RTF1: variants seen among roughly 807,000 people sequenced by gnomAD.
RTF1 encodes RTF1 homolog, Paf1/RNA polymerase II complex component, also known as RNA polymerase-associated protein RTF1 homolog.
In RTF1, 10 loss-of-function variants were observed where a neutral mutation model predicts 95.7. The ratio of observed to expected loss-of-function variants is 0.10; its 90% CI spans 0.06 to 0.18. The LOEUF (loss-of-function observed/expected upper bound fraction) is 0.18, where lower values mean the gene tolerates loss of function less well. Among genes scored for constraint, RTF1 ranks in the 10% least tolerant of loss-of-function variants. The pLI is 1.00. For synonymous variants in RTF1, 305 were observed against 311.8 expected, an observed-to-expected ratio of 0.98 and a Z score of 0.23; for missense variants, 458 against 875.6, an observed-to-expected ratio of 0.52 and a Z score of 6.02.
chr15:41,426,781 ATGTGTGTGTGTGTG>A (rs58073154), intron 1 of RTF1, among the ~76,000 whole-genome samples: 86 of 78,456 alleles, frequency 1.1e-3, no homozygotes, highest in African/African-American at 3.3e-3. Flanking sequence ...CTACATATAT[ATGTGTGTGTGTGTG>A]TGTGTGTGTG....
chr15:41,469,060 C>G (rs1305549628), intron 6 of RTF1, among the ~76,000 whole-genome samples: 1 of 152,016 alleles, frequency 6.6e-6, no homozygotes, highest in East Asian at 1.9e-4. Context: ...CCTTCACCTC[C>G]CGGGTTCAAG....
Position 41,457,952 on chromosome 15 carries a change from C to G in RTF1, c.662+76C>G, listed in dbSNP as rs1340048804. 1.7e-5 allele frequency: 20 copies of G among 1,177,144 alleles called. No homozygotes were observed. The East Asian group carries it at 5.0e-4, about 29-fold the overall frequency. The allele number at this position is 1,177,144 out of a possible 1,614,324, so 72.9% of individuals were successfully genotyped here. Reference sequence around the variant, plus strand: ...ATCTCTTTTCTCATACTTCCCTGTCCTTCACACCTGACCTACACATGGAGA... The same window carrying G: ...ATCTCTTTTCTCATACTTCCCTGTCGTTCACACCTGACCTACACATGGAGA... On this transcript the variant is annotated intron_variant, in intron 4 of 17. Transcript: ENST00000389629.
chr15:41,473,189 A>G (rs759492740), intron 8 of RTF1, among the ~76,000 whole-genome samples: 30 of 151,860 alleles, frequency 2.0e-4, no homozygotes, highest in Non-Finnish European at 3.8e-4. Flanking sequence ...GCTGGAGTGC[A>G]GTGGCGCGAT....
At chr15:41,426,841 TG>T (rs2050635885) in intron 1 of RTF1, among the ~76,000 whole-genome samples, 1 of 147,718 alleles carries the variant, frequency 6.8e-6, no homozygotes, top group Non-Finnish European at 1.5e-5. Context: ...TTTGTTTGTT[TG>T]TTTGTTTGTT....
At chr15:41,449,380 G>A (rs867680276) in intron 2 of RTF1, among the ~76,000 whole-genome samples, 12 of 152,024 alleles carry the variant, frequency 7.9e-5, no homozygotes, top group East Asian at 1.9e-4. Flanking sequence ...ACAGGCGCCC[G>A]CCACCATGCC....
At chr15:41,445,142 A>T (rs1458362579) in intron 2 of RTF1, among the ~76,000 whole-genome samples, 1 of 151,744 alleles carries the variant, frequency 6.6e-6, no homozygotes. Context: ...TCTCTGTGTT[A>T]GCCAGGATGG....
At chr15:41,439,009 C>T in intron 2 of RTF1, among the ~76,000 whole-genome samples, 1 of 143,918 alleles carries the variant, frequency 6.9e-6, no homozygotes. Flanking sequence ...GTGGTACAGT[C>T]AGTAATCCTA....
At chr15:41,471,106 T>C (rs1383592841) in intron 7 of RTF1, 66 bp from the exon 8 acceptor site, 29 of 1,459,508 alleles carry the variant, frequency 2.0e-5, no homozygotes, top group Middle Eastern at 1.8e-4. Flanking sequence ...GGAGTTGATA[T>C]TATTTTTCTG....
intron 6 of RTF1, among the ~76,000 whole-genome samples, chr15:41,468,184 A>ACTCCAGGTTGGAGTGCAGTGGCGCG (rs1566847276): frequency 2.4e-4 from 37 of 152,000 alleles, no homozygotes; most frequent in African/African-American, 8.7e-4. Context: ...AAGAAAAAGA[A>ACTCCAGGTTGGAGTGCAGTGGCGCG]ATAATAACGT....
At chr15:41,452,599 TG>T (rs982677056) in intron 2 of RTF1, among the ~76,000 whole-genome samples, 15 of 151,990 alleles carry the variant, frequency 9.9e-5, no homozygotes, top group African/African-American at 3.4e-4. Context: ...CTGGGCGTGG[TG>T]GGGCACACCT....
rs1483073216 is a variant in RTF1 at position 41,454,158 on chromosome 15, G to A, written c.457+1110G>A. Among the ~76,000 whole-genome samples the A allele has an allele frequency of 5.9e-5, 9 of 152,004 alleles. No individual in the cohort carries two copies. The East Asian group carries it at 9.7e-4, about 16-fold the overall frequency. ...GTTGCCCAGGCTGGAGTGCAATGGCGCGTTCTTGGCTCACTGCAACCTCTG... is the reference window on the plus strand; with the variant it reads ...GTTGCCCAGGCTGGAGTGCAATGGCACGTTCTTGGCTCACTGCAACCTCTG... On this transcript the variant is annotated intron_variant, in intron 3 of 17. Coordinates refer to ENST00000389629, the MANE Select transcript of RTF1 (RefSeq NM_015138.5).
intron 2 of RTF1, among the ~76,000 whole-genome samples, chr15:41,452,233 T>G (rs1012817766): frequency 4.0e-5 from 6 of 151,720 alleles, no homozygotes; most frequent in African/African-American, 1.5e-4. Flanking sequence ...CTCAGGAGTT[T>G]AAGACCAGCC....
intron 2 of RTF1, among the ~76,000 whole-genome samples, chr15:41,447,018 G>A (rs1315483192): frequency 6.6e-6 from 1 of 152,082 alleles, no homozygotes; most frequent in African/African-American, 2.4e-5. Context: ...GGCCAGGCTG[G>A]TCTTGAACTC....
rs577976308 is a variant in RTF1 at position 41,471,728 on chromosome 15, A to AT, written c.1203+381dup. Among the ~76,000 whole-genome samples, 390 of 152,238 alleles carry AT rather than the reference A, an allele frequency of 2.6e-3. 2 individuals are homozygous for AT. Among genetic ancestry groups the AT allele is most frequent in the South Asian group, 6.0e-3 (29 of 4,824 alleles). On this transcript the variant is annotated intron_variant, in intron 8 of 17. Transcript: ENST00000389629. ...TACCAAGTGACTTCTACACCAGGGA[A>AT]TTGTATTGAGGTTAAAAAAAACCCT...
At chr15:41,466,093 A>C in intron 5 of RTF1, 48 bp from the exon 6 acceptor site, 12 of 1,234,202 alleles carry the variant, frequency 9.7e-6, no homozygotes, top group Non-Finnish European at 1.2e-5. Context: ...AGAGAATCTT[A>C]TCAGCTGTTG....
At chr15:41,461,597 A>G (rs954351048) in intron 4 of RTF1, among the ~76,000 whole-genome samples, 11 of 148,250 alleles carry the variant, frequency 7.4e-5, no homozygotes, top group Non-Finnish European at 1.5e-4. Flanking sequence ...GGTTCATGCT[A>G]TTCTGCCTCA....
intron 1 of RTF1, among the ~76,000 whole-genome samples, chr15:41,420,402 T>C (rs2050594553): frequency 2.0e-5 from 3 of 152,126 alleles, no homozygotes; most frequent in Non-Finnish European, 4.4e-5. Context: ...ACGAAAGACC[T>C]TTAGCACAAG....
intron 8 of RTF1, among the ~76,000 whole-genome samples, chr15:41,471,985 G>A (rs1190869637): frequency 5.9e-5 from 9 of 151,738 alleles, no homozygotes; most frequent in South Asian, 2.1e-4. Flanking sequence ...TGCAACCTCC[G>A]CCTCCCGGGT....
chr15:41,448,961 TGC>T (rs1287804528), intron 2 of RTF1: 1 of 151,840 alleles, frequency 6.6e-6, no homozygotes, highest in Non-Finnish European at 1.5e-5. Flanking sequence ...CTTGGCTCAC[TGC>T]ACCCTGGACC....
Sources: allele counts gnomAD v4.1 joint callset (sites outside exome capture counted in the v4.1 genomes callset), GRCh38; gene constraint gnomAD v4.1.1; transcripts MANE v1.5; gene names NCBI Gene and HGNC (gene_info 2026-07-23, HGNC 2026-07-21).